The following ABLIM1 variants were observed in gnomAD, a reference collection of about 807,000 sequenced individuals.
The protein encoded by ABLIM1 is actin-binding LIM protein 1.
A neutral mutation model predicts 107.0 loss-of-function variants in ABLIM1; 40 were observed. The observed-to-expected ratio is 0.37, with a 90% CI of 0.29 to 0.49. ABLIM1 has a LOEUF of 0.49. Among genes scored for constraint, ABLIM1 ranks in the 20% least tolerant of loss-of-function variants. The pLI is 0.97. For missense variants in ABLIM1, 857 were observed against 1,008.5 expected, an observed-to-expected ratio of 0.85 and a Z score of 2.04; for synonymous variants, 357 against 357.3, an observed-to-expected ratio of 1.00 and a Z score of 0.01.
At chr10:114,532,131 GC>G (rs2065515006) in intron 6 of ABLIM1, among the ~76,000 whole-genome samples, 1 of 152,080 alleles carries the variant, frequency 6.6e-6, no homozygotes, top group Admixed American at 6.6e-5. Flanking sequence ...AGTTCTTTCT[GC>G]TAACCACTCT....
At chr10:114,617,215 T>C (rs2077176853) in intron 1 of ABLIM1, among the ~76,000 whole-genome samples, 1 of 151,814 alleles carries the variant, frequency 6.6e-6, no homozygotes. Context: ...TTGAACACTG[T>C]CTCTCTTTCT....
At chr10:114,466,714 A>G (rs1324035711) in intron 11 of ABLIM1, among the ~76,000 whole-genome samples, 2 of 152,218 alleles carry the variant, frequency 1.3e-5, no homozygotes, top group Non-Finnish European at 2.9e-5. Flanking sequence ...CCGGTATTTT[A>G]CTTCTCACTT....
intron 12 of ABLIM1, among the ~76,000 whole-genome samples, chr10:114,454,577 A>G (rs1274280277): frequency 6.6e-6 from 1 of 152,196 alleles, no homozygotes; most frequent in Non-Finnish European, 1.5e-5. Context: ...CAGGGCAGAA[A>G]AGAGAGCAAA....
intron 1 of ABLIM1, among the ~76,000 whole-genome samples, chr10:114,717,500 C>T (rs2081697878): frequency 6.6e-6 from 1 of 152,142 alleles, no homozygotes; most frequent in Admixed American, 6.5e-5. Flanking sequence ...GGGCCTCTAC[C>T]TAGTAGATGC....
chr10:114,479,421 C>T (rs2057004761), intron 8 of ABLIM1, among the ~76,000 whole-genome samples: 1 of 152,182 alleles, frequency 6.6e-6, no homozygotes, highest in Non-Finnish European at 1.5e-5. Context: ...AGCAATTCAT[C>T]ACAGTATATG....
chr10:114,772,061 T>A (rs1303599019), upstream of ABLIM1, among the ~76,000 whole-genome samples: 1 of 152,194 alleles, frequency 6.6e-6, no homozygotes, highest in East Asian at 1.9e-4. Context: ...TCTTTCTGCA[T>A]AACTTCAAGC....
At chr10:114,747,900 C>T (rs1432024042) in intron 1 of ABLIM1, among the ~76,000 whole-genome samples, 2 of 152,034 alleles carry the variant, frequency 1.3e-5, no homozygotes, top group East Asian at 1.9e-4. Context: ...ATTAGCTGGG[C>T]GTGTTGGTAT....
chr10:114,689,652 G>T (rs777734878), upstream of ABLIM1, among the ~76,000 whole-genome samples: 1 of 151,836 alleles, frequency 6.6e-6, no homozygotes, highest in Non-Finnish European at 1.5e-5. Context: ...ATGAGCCACC[G>T]CACCTGGCCG....
At chr10:114,650,402 A>T (rs1194650080) in intron 1 of ABLIM1, among the ~76,000 whole-genome samples, 1 of 152,170 alleles carries the variant, frequency 6.6e-6, no homozygotes, top group East Asian at 1.9e-4. Context: ...ACTTAAACAG[A>T]CTGCTTTACC....
intron 1 of ABLIM1, among the ~76,000 whole-genome samples, chr10:114,628,369 C>T (rs553273652): frequency 6.6e-6 from 1 of 152,350 alleles, no homozygotes; most frequent in South Asian, 2.1e-4. Context: ...TGCTGCTCAA[C>T]ATCATACAAT....
At chr10:114,726,606 C>A (rs144834733) in intron 1 of ABLIM1, among the ~76,000 whole-genome samples, 2 of 152,010 alleles carry the variant, frequency 1.3e-5, no homozygotes, top group East Asian at 3.9e-4. Flanking sequence ...CATGGTGAAA[C>A]CCCGTCTCCA....
At chr10:114,599,497 T>A (rs2075774717) in intron 2 of ABLIM1, among the ~76,000 whole-genome samples, 1 of 152,084 alleles carries the variant, frequency 6.6e-6, no homozygotes, top group Non-Finnish European at 1.5e-5. Context: ...GAGAGCTTGG[T>A]GCAGTGGCTC....
chr10:114,494,287 C>T lies in ABLIM1; in HGVS notation c.895-2409G>A, dbSNP rs2059393119. 2.0e-5 allele frequency among the ~76,000 whole-genome samples: 3 copies of T among 152,354 alleles called. No individual in the cohort carries two copies. In the South Asian group the frequency reaches 6.2e-4, roughly 32 times the overall value. ...GTGGCTCATGCCTCTAATCCCAGCACTTTGGGAGACGTAGGCAGGAGGCTC... is the reference window on the plus strand; with the variant it reads ...GTGGCTCATGCCTCTAATCCCAGCATTTTGGGAGACGTAGGCAGGAGGCTC... On this transcript the variant is annotated intron_variant, in intron 6 of 22. Coordinates refer to ENST00000533213, the MANE Select transcript of ABLIM1 (RefSeq NM_002313.7).
chr10:114,666,925 A>C (rs1181278555), intron 1 of ABLIM1, among the ~76,000 whole-genome samples: 4 of 152,232 alleles, frequency 2.6e-5, no homozygotes, highest in African/African-American at 9.6e-5. Flanking sequence ...TTTAGAATCC[A>C]AGCCAGCCAG....
At chr10:114,559,119 G>A (rs2069230462) in intron 4 of ABLIM1, among the ~76,000 whole-genome samples, 1 of 152,124 alleles carries the variant, frequency 6.6e-6, no homozygotes, top group African/African-American at 2.4e-5. Flanking sequence ...GTCTCATGTG[G>A]TTGCTCACAT....
At chr10:114,699,885 G>T (rs1168961677) in intron 1 of ABLIM1, among the ~76,000 whole-genome samples, 1 of 152,194 alleles carries the variant, frequency 6.6e-6, no homozygotes, top group African/African-American at 2.4e-5. Context: ...CAATATACTG[G>T]TTGTGATATT....
chr10:114,742,308 A>G (rs1447089666), intron 1 of ABLIM1, among the ~76,000 whole-genome samples: 1 of 152,228 alleles, frequency 6.6e-6, no homozygotes, highest in Non-Finnish European at 1.5e-5. Flanking sequence ...ACATTATAAA[A>G]GCAGTTAGCT....
intron 12 of ABLIM1, among the ~76,000 whole-genome samples, chr10:114,461,636 T>G (rs544159640): frequency 2.0e-5 from 3 of 151,850 alleles, no homozygotes; most frequent in African/African-American, 7.3e-5. Context: ...CTGGCCAACA[T>G]AGTGAAACCC....
chr10:114,784,260 T>C, the ABLIM1 span, among the ~76,000 whole-genome samples: 6,970 of 150,114 alleles, frequency 0.046, 575 homozygotes, highest in African/African-American at 0.16. Context: ...GCAGAAGAAT[T>C]GCTTGAACCT....
Sources: allele counts gnomAD v4.1 joint callset (sites outside exome capture counted in the v4.1 genomes callset), GRCh38; gene constraint gnomAD v4.1.1; transcripts MANE v1.5; gene names NCBI Gene and HGNC (gene_info 2026-07-23, HGNC 2026-07-21).